ATL1: variants seen among roughly 807,000 people sequenced by gnomAD.
ATL1 encodes atlastin-1.
In ATL1, 31 loss-of-function variants were observed where a neutral mutation model predicts 75.5. The ratio of observed to expected loss-of-function variants is 0.41; its 90% CI spans 0.31 to 0.55. The LOEUF (loss-of-function observed/expected upper bound fraction) is 0.55, where lower values mean the gene tolerates loss of function less well. Among genes scored for constraint, ATL1 ranks in the 20% least tolerant of loss-of-function variants. The pLI is 0.27. For synonymous variants in ATL1, 226 were observed against 233.3 expected (o/e 0.97, Z 0.28); for missense variants, 405 against 662.6 (o/e 0.61, Z 4.27).
At chr14:50,546,393 TG>T (rs2038632442) in intron 1 of ATL1, among the ~76,000 whole-genome samples, 2 of 151,676 alleles carry the variant, frequency 1.3e-5, no homozygotes, top group Non-Finnish European at 2.9e-5. Context: ...TGTGTGTGTG[TG>T]AGAGAGCATA....
chr14:50,622,099 A>G (rs1391087941), intron 10 of ATL1, among the ~76,000 whole-genome samples, 200 bp downstream of exon 10: 1 of 152,232 alleles, frequency 6.6e-6, no homozygotes, highest in Non-Finnish European at 1.5e-5. Context: ...AGACACAAAC[A>G]CTTTATACCA....
intron 9 of ATL1, 95 bp downstream of exon 9, chr14:50,620,821 G>A (rs1595619679): frequency 2.1e-6 from 3 of 1,413,682 alleles, no homozygotes. Flanking sequence ...GATAATATGG[G>A]AGCAAAGGTA....
intron 1 of ATL1, among the ~76,000 whole-genome samples, chr14:50,578,296 C>T (rs1446099662): frequency 1.3e-5 from 2 of 152,118 alleles, no homozygotes; most frequent in South Asian, 2.1e-4. Flanking sequence ...AATCTCCCTC[C>T]TCTTCATTAA....
chr14:50,590,798 A>G (rs1375622583), intron 2 of ATL1, 143 bp from the exon 3 acceptor site: 1 of 802,776 alleles, frequency 1.2e-6, no homozygotes, highest in African/African-American at 1.7e-5. Flanking sequence ...TTGGATGAAT[A>G]AAGTGATGGT....
chr14:50,556,033 G>A (rs1321167066), upstream of ATL1, among the ~76,000 whole-genome samples: 1 of 152,140 alleles, frequency 6.6e-6, no homozygotes, highest in Non-Finnish European at 1.5e-5. Flanking sequence ...ATAGTTTGTG[G>A]AGTAACATCC....
intron 1 of ATL1, 133 bp from the exon 2 acceptor site, chr14:50,587,698 T>C: frequency 7.9e-7 from 1 of 1,273,346 alleles, no homozygotes; most frequent in Non-Finnish European, 1.1e-6. Flanking sequence ...CATGAGCCAC[T>C]GCACCCAGCA....
intron 6 of ATL1, among the ~76,000 whole-genome samples, chr14:50,603,477 T>TA (rs2039289485): frequency 1.3e-5 from 2 of 152,122 alleles, no homozygotes; most frequent in Non-Finnish European, 2.9e-5. Flanking sequence ...TGCTGAAAAA[T>TA]AATAGAAGGG....
At chr14:50,623,137 T>G (rs761203180) in intron 10 of ATL1, 40 bp from the exon 11 acceptor site, 2 of 1,574,222 alleles carry the variant, frequency 1.3e-6, no homozygotes, top group Non-Finnish European at 1.7e-6. Flanking sequence ...TTAATCAATA[T>G]GAACTGCATT....
At chr14:50,568,376 CAGCCTG>C (rs1566716880) in intron 1 of ATL1, among the ~76,000 whole-genome samples, 2 of 152,080 alleles carry the variant, frequency 1.3e-5, no homozygotes, top group Admixed American at 1.3e-4. Flanking sequence ...CACTGTACTC[CAGCCTG>C]GACAACATAA....
At chr14:50,616,131 C>T (rs990424522) in intron 8 of ATL1, among the ~76,000 whole-genome samples, 1 of 151,846 alleles carries the variant, frequency 6.6e-6, no homozygotes, top group Non-Finnish European at 1.5e-5. Flanking sequence ...GTAGCTAGGA[C>T]TAAAGGCACG....
intron 1 of ATL1, among the ~76,000 whole-genome samples, chr14:50,552,178 A>C (rs1417931654): frequency 6.6e-6 from 1 of 152,260 alleles, no homozygotes; most frequent in African/African-American, 2.4e-5. Flanking sequence ...ATACAAAATC[A>C]ATGTACACAA....
chr14:50,593,941 A>G, intron 5 of ATL1, 45 bp downstream of exon 5: 2 of 1,356,966 alleles, frequency 1.5e-6, no homozygotes, highest in South Asian at 2.3e-5. Flanking sequence ...TAGTCTTTGA[A>G]ACATGTATAG....
At chr14:50,598,896 T>A (rs1193533394) in intron 6 of ATL1, among the ~76,000 whole-genome samples, 1 of 152,190 alleles carries the variant, frequency 6.6e-6, no homozygotes, top group African/African-American at 2.4e-5. Flanking sequence ...AGTTCACTAT[T>A]TGAAGAAAGA....
rs765298029 is a variant in ATL1 at position 50,613,378 on chromosome 14, A to G, written c.723+27A>G. 3 of 1,525,264 alleles carry G rather than the reference A, an allele frequency of 2.0e-6. No homozygotes were observed. The South Asian group carries it at 3.4e-5, about 17-fold the overall frequency. The allele number at this position is 1,525,264 out of a possible 1,614,324, so 94.5% of individuals were successfully genotyped here. The stretch of plus-strand genomic sequence containing the variant: ...TTTGTTAGATATTTAGGTGCATGAA[A>G]TTTCACTAATAATCTGGAATTATTT... On this transcript the variant is annotated intron_variant, in intron 7 of 13. Coordinates refer to ENST00000358385, the MANE Select transcript of ATL1 (RefSeq NM_015915.5).
intron 8 of ATL1, 140 bp downstream of exon 8, chr14:50,614,651 C>T: frequency 1.0e-6 from 1 of 964,814 alleles, no homozygotes; most frequent in South Asian, 1.4e-5. Context: ...GAGAATAGGG[C>T]ATCCTGGGCT....
chr14:50,556,159 G>A (rs1177036818), upstream of ATL1, among the ~76,000 whole-genome samples: 1 of 152,090 alleles, frequency 6.6e-6, no homozygotes, highest in Non-Finnish European at 1.5e-5. Flanking sequence ...AAAAACATTT[G>A]TATTTTAAAA....
chr14:50,571,355 A>T (rs899461180), intron 1 of ATL1, among the ~76,000 whole-genome samples: 7 of 152,188 alleles, frequency 4.6e-5, no homozygotes, highest in African/African-American at 1.7e-4. Flanking sequence ...GCTCCTGCTA[A>T]GCTAAGAGCT....
chr14:50,623,344 T>C lies in ATL1; in HGVS notation c.1119+96T>C, dbSNP rs1052340124. 51 of 931,908 alleles carry C rather than the reference T, an allele frequency of 5.5e-5. No individual in the cohort carries two copies. The South Asian group carries it at 6.7e-4, about 12-fold the overall frequency. 57.7% of individuals were successfully genotyped at this position (931,908 alleles called of 1,614,324 possible). On this transcript the variant is annotated intron_variant, in intron 11 of 13. Coordinates refer to ENST00000358385, the MANE Select transcript of ATL1 (RefSeq NM_015915.5). ...TCTTCCATGTTACACTGTACACACA[T>C]GCAATGAGGTGGCTTTGACTTTTTC...
chr14:50,600,667 T>C (rs2039263469), intron 6 of ATL1, among the ~76,000 whole-genome samples: 1 of 152,204 alleles, frequency 6.6e-6, no homozygotes, highest in South Asian at 2.1e-4. Context: ...TTAGCAATCT[T>C]TTTTAGCAGG....
Sources: gnomAD v4.1 joint callset for allele counts (sites outside exome capture counted in the v4.1 genomes callset) on GRCh38, gnomAD v4.1.1 for gene constraint, MANE v1.5 for transcripts, NCBI Gene and HGNC (gene_info 2026-07-23, HGNC 2026-07-21) for gene names.